Variants in CPN1 observed in about 807,000 individuals in gnomAD.
CPN1 encodes carboxypeptidase N catalytic chain.
In CPN1, 37 loss-of-function variants were observed where a neutral mutation model predicts 46.4. That is an observed-to-expected ratio of 0.80 (90% confidence interval 0.61 to 1.05). The LOEUF is 1.05. Among genes scored for constraint, CPN1 ranks in the 50% least tolerant of loss-of-function variants. The pLI is 0.00. For missense variants in CPN1, 563 were observed against 602.6 expected (o/e 0.93, Z 0.69); for synonymous variants, 224 against 235.4 (o/e 0.95, Z 0.44).
At chr10:100,043,804 C>T (rs1228324254) in intron 8 of CPN1, among the ~76,000 whole-genome samples, 1 of 152,046 alleles carries the variant, frequency 6.6e-6, no homozygotes, top group Admixed American at 6.6e-5. Context: ...CCACCACATC[C>T]TGCTTGGATT....
At position 100,042,492 on chromosome 10, in the gene CPN1, T is replaced by C; in HGVS notation, c.1312A>G (p.Lys438Glu). The C allele has an allele frequency of 6.2e-7, 1 of 1,614,018 alleles. No homozygotes were observed. Among genetic ancestry groups the C allele is most frequent in the Non-Finnish European group, 8.5e-7 (1 of 1,180,018 alleles). The change falls in exon 9 of 9, where the codon AAA becomes GAA. Residue 438 changes from lysine (K) to glutamate (E), a missense_variant. Transcript: ENST00000370418. ...TTCTTTCTGGCTTGGGGCTGCACTT[T>C]GGCTCTGACTCCGTGCCTTCTGCTG... is the stretch of plus-strand genomic sequence containing the variant. ...APSRRHGVRA[K>E]VQPQARKKEM... is the part of the protein sequence containing the mutation.
chr10:100,065,950 GT>G lies in CPN1; in HGVS notation c.577-581del, dbSNP rs199596870. Among the ~76,000 whole-genome samples the G allele has an allele frequency of 1.8e-3, 268 of 145,478 alleles. 1 individual carries two copies. The highest frequency in any genetic ancestry group is 2.3e-3 in the Non-Finnish European group (149 of 65,678). The stretch of plus-strand genomic sequence containing the variant: ...GAGAGAAAGGGAGAGAGAGAGAGAA[GT>G]TTTTTTTTTTGTTTTGTTTTTTGAG... On this transcript the variant is annotated intron_variant, in intron 3 of 8. Transcript: ENST00000370418.
intron 3 of CPN1, 134 bp downstream of exon 3, chr10:100,069,580 A>C: frequency 2.0e-6 from 2 of 1,022,846 alleles, no homozygotes; most frequent in Non-Finnish European, 3.1e-6. Context: ...TTATTGCTCT[A>C]GATGGGTTAA....
At chr10:100,059,592 C>CA (rs71013408) in intron 5 of CPN1, among the ~76,000 whole-genome samples, 4,650 of 115,034 alleles carry the variant, frequency 0.04, 246 homozygotes, top group East Asian at 0.31. Context: ...TGGCTACTAT[C>CA]AAAAAAAAAA....
intron 6 of CPN1, among the ~76,000 whole-genome samples, chr10:100,056,440 C>T (rs75028094): frequency 0.14 from 20,603 of 152,200 alleles, 2,316 homozygotes; most frequent in African/African-American, 0.31. Flanking sequence ...CAATTTATTG[C>T]TTACTGCCTG....
chr10:100,067,800 G>A (rs1317836670), intron 3 of CPN1, among the ~76,000 whole-genome samples: 1 of 152,110 alleles, frequency 6.6e-6, no homozygotes, highest in East Asian at 1.9e-4. Context: ...TCCTCTGATT[G>A]GAAGAGTAAG....
chr10:100,048,961 G>T, intron 7 of CPN1, 85 bp from the exon 8 acceptor site: 14 of 1,144,584 alleles, frequency 1.2e-5, no homozygotes, highest in Non-Finnish European at 1.8e-5. Context: ...TACAAGGTTG[G>T]CTTTTCTTTT....
rs144411198 is a variant in CPN1 at position 100,042,818 on chromosome 10, G to A, written c.1231-245C>T. ...CATGTATTAGAAAAAGATGGGCTGG[G>A]TGTGGTGGCTCATGGCTGTAATCCC... On this transcript the variant is annotated intron_variant, in intron 8 of 8. Coordinates refer to ENST00000370418, the MANE Select transcript of CPN1 (RefSeq NM_001308.3). 5.9e-3 allele frequency among the ~76,000 whole-genome samples: 841 copies of A among 142,488 alleles called. 15 individuals carry two copies. The highest frequency in any genetic ancestry group is 0.023 in the African/African-American group (811 of 35,854). The allele number at this position is 142,488 out of a possible 152,430, so 93.5% of individuals were successfully genotyped here.
At chr10:100,059,746 AT>A (rs1232682045) in intron 5 of CPN1, among the ~76,000 whole-genome samples, 1 of 152,202 alleles carries the variant, frequency 6.6e-6, no homozygotes, top group African/African-American at 2.4e-5. Context: ...GGGTTTATAT[AT>A]CCAAAAGAAC....
Position 100,060,021 on chromosome 10 carries a change from A to G in CPN1, c.872-2869T>C, listed in dbSNP as rs1055712934. Among the ~76,000 whole-genome samples the G allele has an allele frequency of 1.5e-4, 23 of 152,200 alleles. 1 individual carries two copies. Among genetic ancestry groups the G allele is most frequent in the South Asian group, 4.1e-4 (2 of 4,832 alleles). On this transcript the variant is annotated intron_variant, in intron 5 of 8. Transcript: ENST00000370418. ...ACAAATATTGCATGATCCCACTTAT[A>G]TGAGGTACTTAGAGCAGTCAAAATC...
Position 100,081,516 on chromosome 10 carries a change from T to A in CPN1, c.110A>T (p.Lys37Met). Residue 37 changes from lysine to methionine, a missense_variant, in exon 1 of 9, where the codon AAG (lysine) becomes ATG (methionine). Transcript: ENST00000370418. ...RYDDLVRTLY[K>M]VQNECPGITR... ...GATGCCGGGGCATTCGTTTTGCACC[T>A]TGTACAGCGTCCGCACAAGATCATC... 6.2e-7 allele frequency: 1 copy of A among 1,614,144 alleles called. No homozygotes were observed. Among genetic ancestry groups the A allele is most frequent in the South Asian group, 1.1e-5 (1 of 91,088 alleles).
intron 8 of CPN1, among the ~76,000 whole-genome samples, chr10:100,045,152 T>C (rs1294167179): frequency 6.6e-6 from 1 of 152,224 alleles, no homozygotes; most frequent in African/African-American, 2.4e-5. Flanking sequence ...AGACATCTTT[T>C]CTCCTCTGAG....
chr10:100,070,865 G>A (rs953092423), intron 2 of CPN1, among the ~76,000 whole-genome samples: 1 of 152,108 alleles, frequency 6.6e-6, no homozygotes, highest in African/African-American at 2.4e-5. Context: ...TATGTTTACG[G>A]AGTTGTATAA....
chr10:100,066,399 A>G (rs1225437358), intron 3 of CPN1, among the ~76,000 whole-genome samples: 1 of 152,210 alleles, frequency 6.6e-6, no homozygotes, highest in East Asian at 1.9e-4. Flanking sequence ...TTAGGACTCC[A>G]ATAAATCAAT....
At position 100,081,547 on chromosome 10, in the gene CPN1, G is replaced by A. The variant is rs2041546914; in HGVS notation, c.79C>T (p.Arg27Cys). ...LVAPVTFRHH[R>C]YDDLVRTLYK... The stretch of plus-strand genomic sequence containing the variant: ...AGCGTCCGCACAAGATCATCATAGC[G>A]GTGGTGGCGAAAGGTCACCGGGGCA... The change falls in exon 1 of 9, where the codon CGC becomes TGC. Residue 27 changes from arginine (R) to cysteine (C), a missense_variant. By Grantham distance (180) the Arg-to-Cys change is radical (BLOSUM62 -3). Transcript: ENST00000370418. 5 of 1,614,180 alleles carry A rather than the reference G, an allele frequency of 3.1e-6. No homozygotes were observed. The highest frequency in any genetic ancestry group is 4.2e-6 in the Non-Finnish European group (5 of 1,180,034).
chr10:100,043,187 G>A (rs1023058465), intron 8 of CPN1, among the ~76,000 whole-genome samples: 1 of 151,710 alleles, frequency 6.6e-6, no homozygotes, highest in Non-Finnish European at 1.5e-5. Context: ...CTTGAGATCA[G>A]GAGTTAGAGA....
At chr10:100,070,620 C>T (rs1447548687) in intron 2 of CPN1, among the ~76,000 whole-genome samples, 2 of 151,956 alleles carry the variant, frequency 1.3e-5, no homozygotes, top group Non-Finnish European at 2.9e-5. Context: ...TTCCTTTAGT[C>T]CCCGTCACAA....
chr10:100,047,832 C>A (rs999230153), intron 8 of CPN1, among the ~76,000 whole-genome samples: 18 of 151,606 alleles, frequency 1.2e-4, no homozygotes, highest in South Asian at 2.1e-4. Flanking sequence ...CTAAAAAAAA[C>A]CCACCAAAAA....
At chr10:100,052,319 C>T (rs943445841) in intron 7 of CPN1, among the ~76,000 whole-genome samples, 1 of 152,112 alleles carries the variant, frequency 6.6e-6, no homozygotes, top group African/African-American at 2.4e-5. Flanking sequence ...AATCCCCCCA[C>T]CTCGGCCTCC....
Sources: allele counts gnomAD v4.1 joint callset (sites outside exome capture counted in the v4.1 genomes callset), GRCh38; gene constraint gnomAD v4.1.1; transcripts MANE v1.5; gene names NCBI Gene and HGNC (gene_info 2026-07-23, HGNC 2026-07-21).